The following ZNF804B variants were observed in gnomAD, a reference collection of about 807,000 sequenced individuals.
ZNF804B encodes the protein zinc finger protein 804B.
Under a neutral mutation model 101.4 loss-of-function variants are expected in ZNF804B, and 80 were observed. The observed-to-expected ratio is 0.79, with a 90% confidence interval of 0.66 to 0.95. The LOEUF (loss-of-function observed/expected upper bound fraction) is 0.95, where lower values mean the gene tolerates loss of function less well. Among genes scored for constraint, ZNF804B ranks in the 40% least tolerant of loss-of-function variants. The pLI, the probability that ZNF804B is intolerant of heterozygous loss-of-function variation, is 0.00. For synonymous variants in ZNF804B, 622 were observed against 558.8 expected, an observed-to-expected ratio of 1.11 and a Z score of -1.59; for missense variants, 1,673 against 1,561.9, an observed-to-expected ratio of 1.07 and a Z score of -1.20.
chr7:89,256,822 G>A (rs112873440), intron 2 of ZNF804B, among the ~76,000 whole-genome samples: 41 of 152,278 alleles, frequency 2.7e-4, no homozygotes, highest in African/African-American at 9.1e-4. Context: ...GAGGAGGATG[G>A]TGCAGCTGGC....
chr7:88,783,562 T>A (rs1477976803), intron 1 of ZNF804B, among the ~76,000 whole-genome samples: 1 of 152,184 alleles, frequency 6.6e-6, no homozygotes, highest in East Asian at 1.9e-4. Flanking sequence ...ATGCTGATCA[T>A]TGTCGAAGGT....
chr7:89,270,485 G>C (rs1377225689), intron 2 of ZNF804B, among the ~76,000 whole-genome samples: 22 of 152,152 alleles, frequency 1.4e-4, no homozygotes. Flanking sequence ...AGTATAGTTT[G>C]AAGTCAGGTA....
At chr7:89,072,217 G>T (rs1290206521) in intron 1 of ZNF804B, among the ~76,000 whole-genome samples, 1 of 152,174 alleles carries the variant, frequency 6.6e-6, no homozygotes, top group Non-Finnish European at 1.5e-5. Context: ...GATAGAAAGA[G>T]AACACATGTC....
At chr7:89,298,249 T>TATATATATAC (rs1790419940) in intron 2 of ZNF804B, among the ~76,000 whole-genome samples, 3 of 122,082 alleles carry the variant, frequency 2.5e-5, no homozygotes, top group Non-Finnish European at 5.0e-5. Context: ...TATATATATA[T>TATATATATAC]ATATATATAC....
chr7:89,110,472 G>C (rs929441987), intron 1 of ZNF804B, among the ~76,000 whole-genome samples: 3 of 152,176 alleles, frequency 2.0e-5, no homozygotes, highest in Non-Finnish European at 4.4e-5. Flanking sequence ...TGTGGTTCTG[G>C]ACAAAGGGAG....
chr7:89,025,147 A>T (rs953171908), intron 1 of ZNF804B, among the ~76,000 whole-genome samples: 2 of 152,068 alleles, frequency 1.3e-5, no homozygotes, highest in Non-Finnish European at 2.9e-5. Flanking sequence ...ATTCTCAAGT[A>T]CTCATAAACT....
intron 1 of ZNF804B, among the ~76,000 whole-genome samples, chr7:89,104,487 A>G (rs1790106065): frequency 6.6e-6 from 1 of 151,902 alleles, no homozygotes; most frequent in African/African-American, 2.4e-5. Context: ...GTGTTTCCAG[A>G]AATTTATCCA....
chr7:89,001,453 T>G (rs563069835), intron 1 of ZNF804B, among the ~76,000 whole-genome samples: 1 of 151,874 alleles, frequency 6.6e-6, no homozygotes, highest in South Asian at 2.1e-4. Context: ...CATGTGCAAG[T>G]TTCACAATCA....
At chr7:89,273,329 C>G (rs1334328094) in intron 2 of ZNF804B, among the ~76,000 whole-genome samples, 2 of 86,996 alleles carry the variant, frequency 2.3e-5, no homozygotes, top group African/African-American at 3.8e-5. Flanking sequence ...AGCTTTCTTT[C>G]TTTCAAAAAA....
At chr7:89,262,836 A>G (rs775364835) in intron 2 of ZNF804B, among the ~76,000 whole-genome samples, 1 of 152,214 alleles carries the variant, frequency 6.6e-6, no homozygotes, top group Non-Finnish European at 1.5e-5. Context: ...ATATAGGTAT[A>G]ATATCTTCCT....
chr7:89,307,244 T>C (rs1469134641), intron 2 of ZNF804B, among the ~76,000 whole-genome samples: 1 of 151,948 alleles, frequency 6.6e-6, no homozygotes, highest in Non-Finnish European at 1.5e-5. Flanking sequence ...ATAATAAATA[T>C]TTGAAGATAT....
chr7:89,142,965 G>A (rs377088117), intron 1 of ZNF804B, among the ~76,000 whole-genome samples: 2 of 151,982 alleles, frequency 1.3e-5, no homozygotes, highest in African/African-American at 4.8e-5. Context: ...CTCAGAGGGA[G>A]AGCAGACCTA....
intron 1 of ZNF804B, among the ~76,000 whole-genome samples, chr7:89,139,519 G>GC (rs1210022549): frequency 1.3e-5 from 2 of 151,938 alleles, no homozygotes; most frequent in Non-Finnish European, 2.9e-5. Flanking sequence ...ACCTGCCACC[G>GC]CCTTATTAAC....
intron 1 of ZNF804B, among the ~76,000 whole-genome samples, chr7:89,178,387 A>C (rs1788238347): frequency 6.9e-6 from 1 of 145,238 alleles, no homozygotes; most frequent in Non-Finnish European, 1.5e-5. Context: ...ATAGTGCTAT[A>C]TTTTAATTTC....
chr7:89,031,223 A>G (rs953392222), intron 1 of ZNF804B, among the ~76,000 whole-genome samples: 3 of 150,910 alleles, frequency 2.0e-5, no homozygotes, highest in African/African-American at 4.9e-5. Context: ...ATATATATAT[A>G]TATCAGAAAT....
rs1562920111 is a variant in ZNF804B at position 89,219,966 on chromosome 7, T to TATATATGTATATACATATATGTGTGC, written c.249+1689_249+1690insATGTGTGCATATATGTATATACATAT. Among the ~76,000 whole-genome samples the TATATATGTATATACATATATGTGTGC allele has an allele frequency of 1.9e-3, 155 of 81,806 alleles. 55 individuals carry two copies. Among genetic ancestry groups the TATATATGTATATACATATATGTGTGC allele is most frequent in the South Asian group, 0.011 (29 of 2,578 alleles). The allele number at this position is 81,806 out of a possible 152,430, so 53.7% of individuals were successfully genotyped here. On this transcript the variant is annotated intron_variant, in intron 2 of 3. Coordinates refer to ENST00000333190, the MANE Select transcript of ZNF804B (RefSeq NM_181646.5). ...ATATGTATATACATATATGTGTGCA[T>TATATATGTATATACATATATGTGTGC]ATATATGTATATACATATGTGTGCA...
At chr7:89,108,531 C>A (rs1345275935) in intron 1 of ZNF804B, among the ~76,000 whole-genome samples, 1 of 152,130 alleles carries the variant, frequency 6.6e-6, no homozygotes, top group Non-Finnish European at 1.5e-5. Context: ...TGATTTCACT[C>A]TCTTTGAACA....
intron 1 of ZNF804B, among the ~76,000 whole-genome samples, chr7:88,852,372 A>AT (rs768681105): frequency 6.8e-4 from 103 of 151,996 alleles, no homozygotes; most frequent in African/African-American, 1.1e-3. Context: ...AGCTTCAGGG[A>AT]TTTTTTTTAC....
chr7:88,839,812 T>C (rs960861385), intron 1 of ZNF804B, among the ~76,000 whole-genome samples: 1 of 151,688 alleles, frequency 6.6e-6, no homozygotes, highest in African/African-American at 2.4e-5. Context: ...AAAATAGGCA[T>C]AATAATTTAT....
Sources: allele counts gnomAD v4.1 joint callset (sites outside exome capture counted in the v4.1 genomes callset), GRCh38; gene constraint gnomAD v4.1.1; transcripts MANE v1.5; gene names NCBI Gene and HGNC (gene_info 2026-07-23, HGNC 2026-07-21).